Variants in TAOK3 observed in about 807,000 individuals in gnomAD.
TAOK3 encodes TAO kinase 3.
Under a neutral mutation model 120.4 loss-of-function variants are expected in TAOK3, and 40 were observed. The ratio of observed to expected loss-of-function variants is 0.33; its 90% CI spans 0.26 to 0.43. The LOEUF (loss-of-function observed/expected upper bound fraction) is 0.43, where lower values mean the gene tolerates loss of function less well. Among genes scored for constraint, TAOK3 ranks in the 20% least tolerant of loss-of-function variants. TAOK3 has a pLI of 1.00. For missense variants in TAOK3, 821 were observed against 1,112.1 expected, an observed-to-expected ratio of 0.74 and a Z score of 3.72; for synonymous variants, 355 against 387.5, an observed-to-expected ratio of 0.92 and a Z score of 0.99.
intron 1 of TAOK3, among the ~76,000 whole-genome samples, chr12:118,370,523 A>G (rs1190863437): frequency 1.3e-5 from 2 of 152,300 alleles, no homozygotes; most frequent in African/African-American, 2.4e-5. Flanking sequence ...ATTCCTCACT[A>G]TTTTCCTAAA....
rs540203069 is a variant in TAOK3, at chr12:118,365,623, T to G, written c.-194+7025A>C. 3.0e-4 allele frequency among the ~76,000 whole-genome samples: 46 copies of G among 152,348 alleles called. 1 individual carries two copies. In the South Asian group the frequency reaches 9.3e-3, roughly 31 times the overall value. The stretch of plus-strand genomic sequence containing the variant: ...AAGAAACAAAGTGTGGACATAAATA[T>G]AATCTACTAGTTTGCTGATCATTCA... On this transcript the variant is annotated intron_variant, in intron 1 of 20. Coordinates refer to ENST00000392533, the MANE Select transcript of TAOK3 (RefSeq NM_016281.4).
At position 118,304,687 on chromosome 12, in the gene TAOK3, AT is replaced by A. The variant is rs772006903; in HGVS notation, c.-193-37929del. Reference sequence around the variant, plus strand: ...TGAATGTTATATGTGTACAACTTGTATTTCAGTTTGTCCTAATTTGTGATGT... The same window carrying A: ...TGAATGTTATATGTGTACAACTTGTATTCAGTTTGTCCTAATTTGTGATGT... On this transcript the variant is annotated intron_variant, in intron 1 of 20. Coordinates refer to ENST00000392533, the MANE Select transcript of TAOK3 (RefSeq NM_016281.4). Among the ~76,000 whole-genome samples the A allele has an allele frequency of 1.6e-4, 24 of 152,184 alleles. 1 individual carries two copies. Among genetic ancestry groups the A allele is most frequent in the Non-Finnish European group, 2.9e-5 (2 of 68,036 alleles).
At chr12:118,224,257 G>T (rs950168112) in intron 9 of TAOK3, among the ~76,000 whole-genome samples, 1 of 152,130 alleles carries the variant, frequency 6.6e-6, no homozygotes, top group Non-Finnish European at 1.5e-5. Context: ...CAATAACTCT[G>T]TACATTTTAA....
At chr12:118,298,655 G>A (rs1328276904) in intron 1 of TAOK3, among the ~76,000 whole-genome samples, 1 of 151,990 alleles carries the variant, frequency 6.6e-6, no homozygotes, top group Non-Finnish European at 1.5e-5. Flanking sequence ...CAATAATGAA[G>A]ACAAAGATAC....
rs1593633427 is a variant in TAOK3 at position 118,344,830 on chromosome 12, T to C, written c.-194+27818A>G. Among the ~76,000 whole-genome samples, 5 of 152,340 alleles carry C rather than the reference T, an allele frequency of 3.3e-5. No homozygotes were observed. The South Asian group carries it at 8.3e-4, about 25-fold the overall frequency. On this transcript the variant is annotated intron_variant, in intron 1 of 20. Transcript: ENST00000392533. ...ATAACATTTATTTTTATTTTTCTCA[T>C]GCTTTTTCAAAGTATGGTGCCCCCT...
At chr12:118,163,910 C>T (rs1273207330) in intron 17 of TAOK3, among the ~76,000 whole-genome samples, 2 of 152,012 alleles carry the variant, frequency 1.3e-5, no homozygotes, top group Non-Finnish European at 2.9e-5. Context: ...TGGAGTTTCT[C>T]CATGTTGGTC....
intron 13 of TAOK3, among the ~76,000 whole-genome samples, chr12:118,196,403 A>G (rs890993412): frequency 6.6e-6 from 1 of 152,092 alleles, no homozygotes; most frequent in Non-Finnish European, 1.5e-5. Flanking sequence ...AATCTGTTTC[A>G]GATCTGTTTT....
Position 118,172,348 on chromosome 12 carries a change from G to C in TAOK3, c.1899+109C>G, listed in dbSNP as rs138154264. ...CTCTGTGTTAGCCACTGTGCTAAAA[G>C]GCTAGAAAGGCTAGGGATATAGGAA... On this transcript the variant is annotated intron_variant, in intron 17 of 20. Transcript: ENST00000392533. The C allele has an allele frequency of 8.8e-5, 105 of 1,192,178 alleles. No individual in the cohort carries two copies. The African/African-American group carries it at 1.5e-3, about 17-fold the overall frequency. The allele number at this position is 1,192,178 out of a possible 1,614,324, so 73.8% of individuals were successfully genotyped here.
chr12:118,166,802 ATG>A (rs143091392), intron 17 of TAOK3, among the ~76,000 whole-genome samples: 13 of 141,542 alleles, frequency 9.2e-5, no homozygotes, highest in African/African-American at 1.8e-4. Flanking sequence ...TACTCAATGT[ATG>A]TGTGTGTGTG....
chr12:118,290,713 G>A (rs2042438430), intron 1 of TAOK3, among the ~76,000 whole-genome samples: 1 of 152,022 alleles, frequency 6.6e-6, no homozygotes, highest in Non-Finnish European at 1.5e-5. Context: ...CTACAGGGGT[G>A]TTCCACCATG....
At chr12:118,227,434 A>C (rs1450792502) in intron 9 of TAOK3, among the ~76,000 whole-genome samples, 1 of 151,564 alleles carries the variant, frequency 6.6e-6, no homozygotes, top group East Asian at 1.9e-4. Context: ...ATGACCCTAA[A>C]GGTACTATGA....
chr12:118,356,804 C>T (rs763752727), intron 1 of TAOK3, among the ~76,000 whole-genome samples: 3 of 152,078 alleles, frequency 2.0e-5, no homozygotes, highest in Non-Finnish European at 4.4e-5. Context: ...TGCCTGTAGT[C>T]TCGGCTACTG....
At chr12:118,275,530 A>C (rs2041873119) in intron 1 of TAOK3, among the ~76,000 whole-genome samples, 1 of 152,200 alleles carries the variant, frequency 6.6e-6, no homozygotes, top group African/African-American at 2.4e-5. Flanking sequence ...ATTTGCTCTT[A>C]GGATTTCTCA....
intron 1 of TAOK3, among the ~76,000 whole-genome samples, chr12:118,316,980 G>A (rs1184784316): frequency 1.3e-5 from 2 of 152,088 alleles, no homozygotes; most frequent in Non-Finnish European, 2.9e-5. Context: ...AAACATTGCT[G>A]GGGCTGGGCA....
At chr12:118,271,474 C>T (rs1035944344) in intron 1 of TAOK3, among the ~76,000 whole-genome samples, 1 of 152,188 alleles carries the variant, frequency 6.6e-6, no homozygotes, top group Non-Finnish European at 1.5e-5. Context: ...TTTCACTCAG[C>T]ATGTTTTCAA....
At chr12:118,175,130 G>C (rs1180744607) in intron 16 of TAOK3, among the ~76,000 whole-genome samples, 6 of 152,136 alleles carry the variant, frequency 3.9e-5, no homozygotes, top group Non-Finnish European at 8.8e-5. Context: ...GGGTTTTCTA[G>C]ACCTTATGGT....
At chr12:118,357,782 C>G (rs1474346519) in intron 1 of TAOK3, among the ~76,000 whole-genome samples, 2 of 152,132 alleles carry the variant, frequency 1.3e-5, no homozygotes, top group Admixed American at 1.3e-4. Context: ...TCAATGAAAG[C>G]TGAAATTAAC....
chr12:118,365,497 C>T (rs1052444268), intron 1 of TAOK3, among the ~76,000 whole-genome samples: 1 of 152,206 alleles, frequency 6.6e-6, no homozygotes, highest in Non-Finnish European at 1.5e-5. Context: ...AATCCTCCCT[C>T]CTCCCTCATT....
chr12:118,246,311 G>C, intron 3 of TAOK3: 2 of 1,594,720 alleles, frequency 1.3e-6, no homozygotes, highest in Non-Finnish European at 1.7e-6. Context: ...TGAAGATCAA[G>C]TCCCTGGAGG....
Sources: allele counts gnomAD v4.1 joint callset (sites outside exome capture counted in the v4.1 genomes callset), GRCh38; gene constraint gnomAD v4.1.1; transcripts MANE v1.5; gene names NCBI Gene and HGNC (gene_info 2026-07-23, HGNC 2026-07-21).